DZIP1: variants seen among roughly 807,000 people sequenced by gnomAD.
DZIP1 encodes DAZ interacting zinc finger protein 1.
A neutral mutation model predicts 107.6 loss-of-function variants in DZIP1; 97 were observed. That is an observed-to-expected ratio of 0.90 (90% CI 0.77 to 1.07). The LOEUF is 1.07. DZIP1 is among the 50% of genes least tolerant of loss of function. The pLI is 0.00. For synonymous variants in DZIP1, 390 were observed against 386.4 expected, an observed-to-expected ratio of 1.01 and a Z score of -0.11; for missense variants, 1,035 against 1,063.6, an observed-to-expected ratio of 0.97 and a Z score of 0.37.
At chr13:95,617,973 T>C (rs1875344092) in intron 10 of DZIP1, 1 of 518,902 alleles carries the variant, frequency 1.9e-6, no homozygotes, top group African/African-American at 1.9e-5. Flanking sequence ...ATTTGCCAAG[T>C]CTGGGGAACA....
intron 12 of DZIP1, among the ~76,000 whole-genome samples, chr13:95,609,947 A>G (rs2044926185): frequency 6.6e-6 from 1 of 152,168 alleles, no homozygotes; most frequent in African/African-American, 2.4e-5. Context: ...CACTGGGAAG[A>G]AAACTAGGCA....
At chr13:95,619,473 C>T (rs1875548933) in intron 10 of DZIP1, among the ~76,000 whole-genome samples, 1 of 152,084 alleles carries the variant, frequency 6.6e-6, no homozygotes, top group African/African-American at 2.4e-5. Flanking sequence ...TTTCAATTGG[C>T]CATTTAAGTT....
chr13:95,638,708 G>A (rs989326386), intron 5 of DZIP1, among the ~76,000 whole-genome samples: 5 of 152,056 alleles, frequency 3.3e-5, no homozygotes, highest in African/African-American at 1.2e-4. Context: ...GTGCGTGTGT[G>A]TGTCTGTCTG....
At chr13:95,634,598 A>C (rs936400780) in intron 5 of DZIP1, among the ~76,000 whole-genome samples, 2 of 152,210 alleles carry the variant, frequency 1.3e-5, no homozygotes, top group African/African-American at 4.8e-5. Flanking sequence ...CACTGATTGA[A>C]ATTTTAAGCA....
At chr13:95,599,647 A>T (rs1316548955) in intron 14 of DZIP1, among the ~76,000 whole-genome samples, 1 of 152,208 alleles carries the variant, frequency 6.6e-6, no homozygotes, top group Admixed American at 6.5e-5. Context: ...ACTCTACAGA[A>T]ATTATAGTTT....
chr13:95,612,305 G>T, intron 10 of DZIP1, 128 bp from the exon 11 acceptor site: 3 of 1,058,400 alleles, frequency 2.8e-6, no homozygotes, highest in East Asian at 2.6e-5. Flanking sequence ...TCAAGTCGTT[G>T]AATAAATCTT....
chr13:95,593,923 T>G, intron 16 of DZIP1, 21 bp downstream of exon 16: 1 of 1,581,884 alleles, frequency 6.3e-7, no homozygotes, highest in East Asian at 2.3e-5. Context: ...TAACAAATAT[T>G]CCAAAAATGA....
At chr13:95,620,948 C>G (rs1875758351) in intron 9 of DZIP1, among the ~76,000 whole-genome samples, 1 of 152,210 alleles carries the variant, frequency 6.6e-6, no homozygotes, top group Non-Finnish European at 1.5e-5. Context: ...TACCATATAC[C>G]AGGCACCTCA....
intron 5 of DZIP1, among the ~76,000 whole-genome samples, chr13:95,633,708 G>T (rs1456591668): frequency 6.7e-6 from 1 of 150,092 alleles, no homozygotes; most frequent in African/African-American, 2.5e-5. Flanking sequence ...AAAAATTCAG[G>T]TACCTGAAGC....
chr13:95,604,735 A>G (rs769893680), intron 14 of DZIP1, among the ~76,000 whole-genome samples: 1 of 152,208 alleles, frequency 6.6e-6, no homozygotes, highest in Non-Finnish European at 1.5e-5. Context: ...TAACAATAAC[A>G]AAGTGGAGGG....
rs1369370923 is a variant in DZIP1 at position 95,632,813 on chromosome 13, C to T, written c.685+421G>A. Among the ~76,000 whole-genome samples the T allele has an allele frequency of 3.9e-5, 6 of 152,168 alleles. 1 individual carries two copies. In the South Asian group the frequency reaches 6.2e-4, roughly 16 times the overall value. ...AAACACATCATCCCAGCACACCTCACGTCCCTTACAGTCAGTGTTCCTTGG... is the reference window on the plus strand; with the variant it reads ...AAACACATCATCCCAGCACACCTCATGTCCCTTACAGTCAGTGTTCCTTGG... On this transcript the variant is annotated intron_variant, in intron 6 of 22. Coordinates refer to ENST00000376829, the MANE Select transcript of DZIP1 (RefSeq NM_198968.4).
chr13:95,621,181 G>A (rs567115673), intron 9 of DZIP1, among the ~76,000 whole-genome samples: 6 of 152,134 alleles, frequency 3.9e-5, no homozygotes, highest in African/African-American at 7.2e-5. Context: ...GACAGGTCCC[G>A]AAAACTGGGA....
intron 6 of DZIP1, among the ~76,000 whole-genome samples, chr13:95,631,340 GC>G (rs1270572083): frequency 1.3e-5 from 2 of 152,058 alleles, no homozygotes; most frequent in African/African-American, 4.8e-5. Context: ...GGTAGTGAGT[GC>G]CCGTAGTCCC....
rs1187494735 is a variant in DZIP1 at position 95,582,142 on chromosome 13, G to A, written c.*92C>T. 1.6e-6 allele frequency: 2 copies of A among 1,228,492 alleles called. No homozygotes were observed. Among genetic ancestry groups the A allele is most frequent in the African/African-American group, 3.0e-5 (2 of 67,420 alleles). 76.1% of individuals were successfully genotyped at this position (1,228,492 alleles called of 1,614,324 possible). Reference sequence around the variant, plus strand: ...TGTGTTGCTGTGGGAAACACGGTAAGGCAGAAGCACTAGAATCATGGAGGC... The same window carrying A: ...TGTGTTGCTGTGGGAAACACGGTAAAGCAGAAGCACTAGAATCATGGAGGC... On this transcript the variant is annotated 3_prime_UTR_variant, in exon 23 of 23. Coordinates refer to ENST00000376829, the MANE Select transcript of DZIP1 (RefSeq NM_198968.4).
chr13:95,636,543 C>CA (rs58289509), intron 5 of DZIP1, among the ~76,000 whole-genome samples: 88,447 of 118,070 alleles, frequency 0.75, 33,332 homozygotes, highest in Middle Eastern at 0.9. Context: ...GACCTTGACT[C>CA]AAAAAAAAAA....
intron 15 of DZIP1, among the ~76,000 whole-genome samples, chr13:95,597,933 C>T (rs1328827221): frequency 2.6e-5 from 4 of 152,102 alleles, no homozygotes; most frequent in African/African-American, 4.8e-5. Context: ...TGCAGGATCT[C>T]GTTTGATGCC....
intron 11 of DZIP1, 151 bp from the exon 12 acceptor site, chr13:95,611,644 A>G (rs1594693132): frequency 7.5e-6 from 5 of 664,492 alleles, no homozygotes; most frequent in South Asian, 6.3e-5. Flanking sequence ...GCATAGAGGC[A>G]GAAGTTATTA....
chr13:95,622,887 C>A (rs910736607), intron 8 of DZIP1, among the ~76,000 whole-genome samples: 1 of 151,876 alleles, frequency 6.6e-6, no homozygotes, highest in African/African-American at 2.4e-5. Flanking sequence ...GGACTACAGG[C>A]GTGCACCACC....
chr13:95,584,693 A>G, intron 22 of DZIP1, 43 bp downstream of exon 22: 1 of 1,570,770 alleles, frequency 6.4e-7, no homozygotes, highest in Non-Finnish European at 8.6e-7. Context: ...CACAACTAAT[A>G]AGAAAATGGA....
Sources: allele counts gnomAD v4.1 joint callset (sites outside exome capture counted in the v4.1 genomes callset), GRCh38; gene constraint gnomAD v4.1.1; transcripts MANE v1.5; gene names NCBI Gene and HGNC (gene_info 2026-07-23, HGNC 2026-07-21).